The following DNM3 variants were observed in gnomAD, a reference collection of about 807,000 sequenced individuals.
DNM3 encodes dynamin-3.
A neutral mutation model predicts 101.6 loss-of-function variants in DNM3; 47 were observed. The ratio of observed to expected loss-of-function variants is 0.46; its 90% confidence interval spans 0.37 to 0.59. The LOEUF is 0.59. DNM3 is among the 20% of genes least tolerant of loss of function. The pLI is 0.00. For synonymous variants in DNM3, 385 were observed against 387.9 expected (o/e 0.99, Z 0.09); for missense variants, 849 against 1,085.7 (o/e 0.78, Z 3.06).
intron 1 of DNM3, among the ~76,000 whole-genome samples, chr1:171,868,469 C>T (rs933792967): frequency 1.1e-4 from 17 of 152,088 alleles, no homozygotes; most frequent in African/African-American, 2.4e-4. Flanking sequence ...CTGCGCATTG[C>T]GTGAATAAGT....
Position 172,284,440 on chromosome 1 carries a change from A to G in DNM3, c.1770-24288A>G, listed in dbSNP as rs189172665. Reference sequence around the variant, plus strand: ...TTGTTAGTGTCCTTCTTAGCAATCCATTTACCATCCTTTTTTTTCTCTCTG... The same window carrying G: ...TTGTTAGTGTCCTTCTTAGCAATCCGTTTACCATCCTTTTTTTTCTCTCTG... On this transcript the variant is annotated intron_variant, in intron 15 of 20. Coordinates refer to ENST00000627582, the MANE Select transcript of DNM3 (RefSeq NM_015569.5). Among the ~76,000 whole-genome samples the G allele has an allele frequency of 5.3e-4, 80 of 152,256 alleles. 1 individual carries two copies. The East Asian group carries it at 0.013, about 24-fold the overall frequency.
chr1:172,221,974 A>G (rs1246149408), intron 14 of DNM3, among the ~76,000 whole-genome samples: 1 of 152,166 alleles, frequency 6.6e-6, no homozygotes, highest in Non-Finnish European at 1.5e-5. Flanking sequence ...AACAGAGTTC[A>G]AGTCTTAATC....
chr1:172,228,803 GT>G (rs2061230769), intron 14 of DNM3, among the ~76,000 whole-genome samples: 1 of 151,986 alleles, frequency 6.6e-6, no homozygotes, highest in Non-Finnish European at 1.5e-5. Flanking sequence ...TTTCTGGTAG[GT>G]TTATGACCAG....
At chr1:172,093,238 G>A (rs1020691150) in intron 13 of DNM3, among the ~76,000 whole-genome samples, 1 of 152,094 alleles carries the variant, frequency 6.6e-6, no homozygotes, top group Admixed American at 6.6e-5. Context: ...AGCTTTCTGG[G>A]GTTGCTAACT....
intron 17 of DNM3, among the ~76,000 whole-genome samples, chr1:172,360,836 C>T (rs1018168712): frequency 3.9e-5 from 6 of 151,996 alleles, no homozygotes; most frequent in African/African-American, 1.4e-4. Flanking sequence ...CTCTTTAAAA[C>T]AGAGTGCAGT....
intron 15 of DNM3, among the ~76,000 whole-genome samples, chr1:172,295,176 C>T (rs1211045245): frequency 6.6e-6 from 1 of 152,146 alleles, no homozygotes; most frequent in Non-Finnish European, 1.5e-5. Flanking sequence ...TATGTTTCTT[C>T]ACTACATCAA....
intron 1 of DNM3, among the ~76,000 whole-genome samples, chr1:171,870,741 AAAAAT>A (rs1469089812): frequency 8.5e-5 from 13 of 152,220 alleles, no homozygotes; most frequent in Admixed American, 8.5e-4. Context: ...ATAAGGCTAG[AAAAAT>A]AAAATAAAAT....
chr1:171,969,549 C>T (rs1389464978), intron 2 of DNM3, among the ~76,000 whole-genome samples: 3 of 152,124 alleles, frequency 2.0e-5, no homozygotes, highest in Non-Finnish European at 4.4e-5. Context: ...GACTCCTAGT[C>T]TCTTCATTGG....
rs575053876 is a variant in DNM3, at chr1:171,931,544, A to G, written c.235+9723A>G. Among the ~76,000 whole-genome samples the G allele has an allele frequency of 5.9e-5, 9 of 152,298 alleles. No individual in the cohort carries two copies. In the South Asian group the frequency reaches 1.9e-3, roughly 32 times the overall value. On this transcript the variant is annotated intron_variant, in intron 2 of 20. Transcript: ENST00000627582. ...TGTACATTTAGATTTTTAAAAAGTA[A>G]ATATTTAGCACAGTGCTCTTCACTT... is the stretch of plus-strand genomic sequence containing the variant.
intron 14 of DNM3, among the ~76,000 whole-genome samples, chr1:172,197,536 A>G (rs1473934578): frequency 6.6e-6 from 1 of 152,142 alleles, no homozygotes; most frequent in Non-Finnish European, 1.5e-5. Context: ...CTTCCTATCC[A>G]TGAGCATGGG....
intron 20 of DNM3, among the ~76,000 whole-genome samples, chr1:172,391,436 A>C (rs1235137098): frequency 6.6e-6 from 1 of 152,142 alleles, no homozygotes; most frequent in Non-Finnish European, 1.5e-5. Flanking sequence ...TGACCACATA[A>C]AGTCTGTTTT....
At chr1:172,201,505 G>T (rs2148486257) in intron 14 of DNM3, among the ~76,000 whole-genome samples, 1 of 152,292 alleles carries the variant, frequency 6.6e-6, no homozygotes, top group Non-Finnish European at 1.5e-5. Context: ...AGTGCAATCA[G>T]CCCAGAATAG....
chr1:172,408,272 T>C lies in DNM3; in HGVS notation c.*431T>C, dbSNP rs1194953338. ...TCTGTTTAGGATGACAGTAATTCTG[T>C]TGTCTACCATTAATGCTACTACCTA... On this transcript the variant is annotated 3_prime_UTR_variant, in exon 21 of 21. Coordinates refer to ENST00000627582, the MANE Select transcript of DNM3 (RefSeq NM_015569.5). 4.0e-6 allele frequency: 4 copies of C among 991,170 alleles called. No homozygotes were observed. The highest frequency in any genetic ancestry group is 4.8e-6 in the Non-Finnish European group (4 of 833,374). 61.4% of individuals were successfully genotyped at this position (991,170 alleles called of 1,614,324 possible). A position where few individuals can be genotyped will look rare whatever the true frequency, so the allele number is the denominator to read the frequency against.
chr1:171,872,623 C>G (rs1473510582), intron 1 of DNM3, among the ~76,000 whole-genome samples: 1 of 152,180 alleles, frequency 6.6e-6, no homozygotes, highest in Non-Finnish European at 1.5e-5. Flanking sequence ...GCTAGTCTCT[C>G]GGCATGCTGG....
intron 14 of DNM3, among the ~76,000 whole-genome samples, chr1:172,231,545 C>A (rs1360816069): frequency 3.9e-5 from 6 of 152,174 alleles, no homozygotes; most frequent in African/African-American, 1.4e-4. Context: ...ACCTCTCCTC[C>A]TCCAAAGGAA....
Position 172,321,706 on chromosome 1 carries a change from CAA to C in DNM3, c.1882-1619_1882-1618del, listed in dbSNP as rs893871995. On this transcript the variant is annotated intron_variant, in intron 16 of 20. Transcript: ENST00000627582. ...GGGAAGCCAGTCATTCCCTAATGTG[CAA>C]AAATACTTGGTTGAACTCCTGAAAC... 1.3e-4 allele frequency among the ~76,000 whole-genome samples: 20 copies of C among 152,218 alleles called. 2 individuals are homozygous for C. The highest frequency in any genetic ancestry group is 4.8e-4 in the African/African-American group (20 of 41,524).
chr1:172,133,904 A>G (rs2057077941), intron 14 of DNM3, among the ~76,000 whole-genome samples: 1 of 152,224 alleles, frequency 6.6e-6, no homozygotes, highest in South Asian at 2.1e-4. Context: ...GGGCCTTATC[A>G]GTCCCTACCC....
chr1:172,409,626 A>G lies in DNM3; in HGVS notation c.*1785A>G. On this transcript the variant is annotated 3_prime_UTR_variant, in exon 21 of 21. Transcript: ENST00000627582. ...AAGTTAACTCTTTGTGAATGGAACC[A>G]ATGTGCAAGATACATACTGCATTTT... 1 of 985,738 alleles carries G rather than the reference A, an allele frequency of 1.0e-6. No homozygotes were observed. The highest frequency in any genetic ancestry group is 1.2e-6 in the Non-Finnish European group (1 of 829,862). The allele number at this position is 985,738 out of a possible 1,614,324, so 61.1% of individuals were successfully genotyped here.
intron 15 of DNM3, among the ~76,000 whole-genome samples, chr1:172,261,231 A>G (rs867103600): frequency 6.6e-6 from 1 of 152,194 alleles, no homozygotes; most frequent in Non-Finnish European, 1.5e-5. Context: ...CACATCTGGT[A>G]TAACTGTTGC....
Sources: gnomAD v4.1 joint callset for allele counts (sites outside exome capture counted in the v4.1 genomes callset) on GRCh38, gnomAD v4.1.1 for gene constraint, MANE v1.5 for transcripts, NCBI Gene and HGNC (gene_info 2026-07-23, HGNC 2026-07-21) for gene names.